LAMB2: variants seen among roughly 807,000 people sequenced by gnomAD.
The protein encoded by LAMB2 is laminin subunit beta 2, also known as laminin subunit beta-2.
In LAMB2, 119 loss-of-function variants were observed where a neutral mutation model predicts 202.7. That is an observed-to-expected ratio of 0.59 (90% CI 0.51 to 0.68). The LOEUF is 0.68. Among genes scored for constraint, LAMB2 ranks in the 30% least tolerant of loss-of-function variants. The probability of loss-of-function intolerance (pLI) is 0.00; values close to 1 mark genes in which losing one functional copy is unlikely to be tolerated. For missense variants in LAMB2, 2,124 were observed against 2,410.6 expected (o/e 0.88, Z 2.49); for synonymous variants, 818 against 902.2 (o/e 0.91, Z 1.67).
In LAMB2 at chr3:49,132,069, G is replaced by GAGAGCCA. The variant is rs773629197; in HGVS notation, c.459+40_459+46dup. 1.3e-6 allele frequency: 2 copies of GAGAGCCA among 1,569,462 alleles called. No homozygotes were observed. The highest frequency in any genetic ancestry group is 1.8e-6 in the Non-Finnish European group (2 of 1,139,660). ...GCTGAGGCTCTGTCCAGGGGCAATG[G>GAGAGCCA]AGAGCCAAGCAGGGTGATTCGGGCA... is the stretch of plus-strand genomic sequence containing the variant. On this transcript the variant is annotated intron_variant, in intron 4 of 31. Coordinates refer to ENST00000305544, the MANE Select transcript of LAMB2 (RefSeq NM_002292.4). The surrounding 1 kb of genome is among the most constrained non-coding windows in gnomAD (Gnocchi z 4.6).
intron 15 of LAMB2, 143 bp from the exon 16 acceptor site, chr3:49,126,640 A>G (rs2045419257): frequency 5.0e-6 from 5 of 997,782 alleles, no homozygotes; most frequent in Non-Finnish European, 7.5e-6. Flanking sequence ...GCGCTAGGCC[A>G]ACAAACAGCT....
chr3:49,125,739 A>C lies in LAMB2; in HGVS notation c.2488+8T>G. 6.2e-7 allele frequency: 1 copy of C among 1,613,620 alleles called. No individual in the cohort carries two copies. ...AAGCATAGGAGGGAACAAGGGGCAG[A>C]AGAGTACCTTGACAGCCTGTGGGGC... On this transcript the variant is annotated splice_region_variant and intron_variant, in intron 18 of 31. Coordinates refer to ENST00000305544, the MANE Select transcript of LAMB2 (RefSeq NM_002292.4).
chr3:49,129,898 C>A lies in LAMB2; in HGVS notation c.1346G>T (p.Cys449Phe). ...AAAGAAGCCATCACGGCATTGCTGG[C>A]AGCGAGTGCCCACCACATGTTCTTT... ...RCKEHVVGTR[C>F]QQCRDGFFGL... Residue 449 changes from cysteine to phenylalanine, a missense_variant, in exon 10 of 32, where the codon TGC becomes TTC. Around this residue, in one of 3 missense-constraint regions of LAMB2, gnomAD observed 1,702 missense variants for 1,896.3 expected, o/e 0.90. Coordinates refer to ENST00000305544, the MANE Select transcript of LAMB2 (RefSeq NM_002292.4). The surrounding 1 kb of genome is among the most constrained non-coding windows in gnomAD (Gnocchi z 6.1). 1 of 1,614,058 alleles carries A rather than the reference C, an allele frequency of 6.2e-7. No individual in the cohort carries two copies. Among genetic ancestry groups the A allele is most frequent in the East Asian group, 2.2e-5 (1 of 44,888 alleles).
In LAMB2 at chr3:49,131,342, C is replaced by G. The variant is rs1225953903; in HGVS notation, c.712+37G>C. 6.2e-7 allele frequency: 1 copy of G among 1,607,288 alleles called. No homozygotes were observed. Among genetic ancestry groups the G allele is most frequent in the Non-Finnish European group, 8.5e-7 (1 of 1,174,000 alleles). ...AGGCCCCAAATAGTCCCTAGCCGGA[C>G]ACGGACTGTGCCAGACTCAAAGGGT... On this transcript the variant is annotated intron_variant, in intron 6 of 31. Transcript: ENST00000305544. This position sits in a 1 kb window ranked among gnomAD's most constrained non-coding sequence, Gnocchi z 5.0.
chr3:49,124,022 A>G lies in LAMB2; in HGVS notation c.3503T>C (p.Val1168Ala). The G allele has an allele frequency of 6.2e-7, 1 of 1,613,564 alleles. No individual in the cohort carries two copies. The highest frequency in any genetic ancestry group is 8.5e-7 in the Non-Finnish European group (1 of 1,179,996). Residue 1168 changes from valine (V) to alanine (A), a missense_variant, in exon 24 of 32, where the codon GTG becomes GCG. Val to Ala is a moderately conservative substitution (Grantham distance 64, BLOSUM62 0). Around this residue, in one of 3 missense-constraint regions of LAMB2, gnomAD observed 1,702 missense variants for 1,896.3 expected, o/e 0.90. Transcript: ENST00000305544. ...FTGHCSCRPG[V>A]SGVRCDQCAR... ...ACACTGGTCACAGCGCACACCAGAC[A>G]CCCCTGGGCGGCAGCTGCAGTGACC...
Position 49,132,204 on chromosome 3 carries a change from G to A in LAMB2, c.386-15C>T, listed in dbSNP as rs117575041. On this transcript the variant is annotated splice_polypyrimidine_tract_variant and intron_variant, in intron 3 of 31. Coordinates refer to ENST00000305544, the MANE Select transcript of LAMB2 (RefSeq NM_002292.4). The surrounding 1 kb of genome is among the most constrained non-coding windows in gnomAD (Gnocchi z 4.6). Reference sequence around the variant, plus strand: ...CGCAGGGATACCTGGGACAGGAATCGGAAGTCAAGGACTCAAAGCTACTGG... The same window carrying A: ...CGCAGGGATACCTGGGACAGGAATCAGAAGTCAAGGACTCAAAGCTACTGG... 1.0e-4 allele frequency: 162 copies of A among 1,614,146 alleles called. No homozygotes were observed. In the East Asian group the frequency reaches 1.7e-3, roughly 17 times the overall value.
chr3:49,124,311 A>G (rs770839263), intron 22 of LAMB2, 25 bp from the exon 23 acceptor site: 267 of 1,613,274 alleles, frequency 1.7e-4, no homozygotes, highest in Non-Finnish European at 2.2e-4. Flanking sequence ...AGGCAGGGTC[A>G]GAGCCTCTAT....
rs769460144 is a variant in LAMB2, at chr3:49,131,040, A to T, written c.825T>A (p.Tyr275Ter). 1 of 1,612,814 alleles carries T rather than the reference A, an allele frequency of 6.2e-7. No homozygotes were observed. Among genetic ancestry groups the T allele is most frequent in the South Asian group, 1.1e-5 (1 of 91,056 alleles). Residue 275 changes from tyrosine to a stop codon, truncating the protein, a stop_gained, in exon 7 of 32, where the codon TAT becomes TAA. Transcript: ENST00000305544. LOFTEE classifies it high-confidence loss of function. This position sits in a 1 kb window ranked among gnomAD's most constrained non-coding sequence, Gnocchi z 5.0. The part of the protein sequence containing the change: ...EIREKYYYAL[Y>*]ELVVRGNCFC... ...AGCAGTTGCCACGTACAACCAGCTC[A>T]TAGAGGGCATAGTAGTACTTCTCTC...
At position 49,124,565 on chromosome 3, in the gene LAMB2, G is replaced by A; in HGVS notation, c.3157C>T (p.Pro1053Ser). 1.2e-5 allele frequency: 19 copies of A among 1,611,892 alleles called. No individual in the cohort carries two copies. The highest frequency in any genetic ancestry group is 1.6e-5 in the Non-Finnish European group (19 of 1,178,204). Residue 1053 changes from proline to serine, a missense_variant, in exon 22 of 32, where the codon CCT becomes TCT. By Grantham distance (74) the Pro-to-Ser change is moderately conservative. Transcript: ENST00000305544. ...LGTNPQQCPS[P>S]DQCHCDPSSG... ...CTTGGATCACAGTGGCACTGGTCAG[G>A]AGATGGGCACTGCTGCGGATTTGTG...
rs1382506260 is a variant in LAMB2, at chr3:49,132,760, C to T, written c.76+32G>A. 6.2e-7 allele frequency: 1 copy of T among 1,613,888 alleles called. No individual in the cohort carries two copies. Among genetic ancestry groups the T allele is most frequent in the Non-Finnish European group, 8.5e-7 (1 of 1,179,848 alleles). ...ACTACCAGGACCTACCATCACATTC[C>T]ACAACCCCCAGCCCCCACCAGGCCC... On this transcript the variant is annotated intron_variant, in intron 1 of 31. Transcript: ENST00000305544. The surrounding 1 kb of genome is among the most constrained non-coding windows in gnomAD (Gnocchi z 4.6).
Position 49,131,113 on chromosome 3 carries a change from C to T in LAMB2, c.752G>A (p.Arg251His), listed in dbSNP as rs754919265. ...KITNLRVNLT[R>H]LHTLGDNLLD... ...TAGGTTGTCTCCCAACGTGTGTAGA[C>T]GAGTCAGGTTCACCCGTAGGTTGGT... Residue 251 changes from arginine (R) to histidine (H), a missense_variant, in exon 7 of 32, where the codon CGT becomes CAT. Around this residue, in one of 3 missense-constraint regions of LAMB2, gnomAD observed 256 missense variants for 356.1 expected, o/e 0.72. Coordinates refer to ENST00000305544, the MANE Select transcript of LAMB2 (RefSeq NM_002292.4). This position sits in a 1 kb window ranked among gnomAD's most constrained non-coding sequence, Gnocchi z 5.0. The T allele has an allele frequency of 3.1e-6, 5 of 1,612,446 alleles. No individual in the cohort carries two copies. The highest frequency in any genetic ancestry group is 1.7e-5 in the Admixed American group (1 of 59,900).
At position 49,132,970 on chromosome 3, in the gene LAMB2, C is replaced by T. The variant is rs2045498268; in HGVS notation, c.-103G>A. On this transcript the variant is annotated 5_prime_UTR_variant, in exon 1 of 32. Transcript: ENST00000305544. The surrounding 1 kb of genome is among the most constrained non-coding windows in gnomAD (Gnocchi z 4.6). ...TCAACTCTGCCTGTGGGTCTTTGGCCTGTTTCCCTCCAGGCCCTCTGTCAG... is the reference window on the plus strand; with the variant it reads ...TCAACTCTGCCTGTGGGTCTTTGGCTTGTTTCCCTCCAGGCCCTCTGTCAG... 2.0e-6 allele frequency: 2 copies of T among 1,022,500 alleles called. No homozygotes were observed. Among genetic ancestry groups the T allele is most frequent in the Admixed American group, 1.8e-5 (1 of 54,464 alleles). The allele number at this position is 1,022,500 out of a possible 1,614,324, so 63.3% of individuals were successfully genotyped here.
chr3:49,132,101 C>T lies in LAMB2; in HGVS notation c.459+15G>A. 6.2e-7 allele frequency: 1 copy of T among 1,613,236 alleles called. No individual in the cohort carries two copies. Among genetic ancestry groups the T allele is most frequent in the Non-Finnish European group, 8.5e-7 (1 of 1,179,290 alleles). ...AAGCAGGGTGATTCGGGCAGGCTCCCAGATATGCAGGCACCTTGAAGGTCA... is the reference window on the plus strand; with the variant it reads ...AAGCAGGGTGATTCGGGCAGGCTCCTAGATATGCAGGCACCTTGAAGGTCA... On this transcript the variant is annotated intron_variant, in intron 4 of 31. Transcript: ENST00000305544. The surrounding 1 kb of genome is among the most constrained non-coding windows in gnomAD (Gnocchi z 4.6).
chr3:49,122,223 G>A lies in LAMB2; in HGVS notation c.4721C>T (p.Ala1574Val). The A allele has an allele frequency of 6.2e-7, 1 of 1,613,468 alleles. No homozygotes were observed. The highest frequency in any genetic ancestry group is 8.5e-7 in the Non-Finnish European group (1 of 1,180,036). Reference sequence around the variant, plus strand: ...ACGACGCACATCTCCTACAGTACGTGCCAGGATCGCATCCACATCTGCCAG... The same window carrying A: ...ACGACGCACATCTCCTACAGTACGTACCAGGATCGCATCCACATCTGCCAG... Reference protein sequence around the residue: ...RSLADVDAILARTVGDVRRAE... With the variant: ...RSLADVDAILVRTVGDVRRAE... The change falls in exon 28 of 32, where the codon GCA becomes GTA. Residue 1574 changes from alanine (A) to valine (V), a missense_variant. Physicochemically the swap from Ala to Val is moderately conservative, Grantham distance 64 (BLOSUM62 0). Around this residue, in one of 3 missense-constraint regions of LAMB2, gnomAD observed 1,702 missense variants for 1,896.3 expected, o/e 0.90. Transcript: ENST00000305544.
intron 31 of LAMB2, 32 bp from the exon 32 acceptor site, chr3:49,121,394 T>G (rs762150712): frequency 8.7e-6 from 14 of 1,613,378 alleles, no homozygotes; most frequent in Middle Eastern, 1.6e-4. Context: ...TTAGGGGGGG[T>G]TTCCCGCAGT....
chr3:49,130,678 T>G lies in LAMB2; in HGVS notation c.1036+62A>C. On this transcript the variant is annotated intron_variant, in intron 8 of 31. Coordinates refer to ENST00000305544, the MANE Select transcript of LAMB2 (RefSeq NM_002292.4). The surrounding 1 kb of genome is among the most constrained non-coding windows in gnomAD (Gnocchi z 5.0). The stretch of plus-strand genomic sequence containing the variant: ...GGGGCTTGACCAACTAGCTCTAGGT[T>G]CTACCCAGGGCACAGCCAGGCTGCA... 6.2e-7 allele frequency: 1 copy of G among 1,608,476 alleles called. No individual in the cohort carries two copies. The highest frequency in any genetic ancestry group is 8.5e-7 in the Non-Finnish European group (1 of 1,178,568).
chr3:49,128,959 C>T, intron 13 of LAMB2, 61 bp downstream of exon 13: 3 of 1,602,836 alleles, frequency 1.9e-6, no homozygotes, highest in Non-Finnish European at 1.7e-6. Flanking sequence ...ATAACCCCAC[C>T]TCTCCAGTCA....
intron 15 of LAMB2, 136 bp from the exon 16 acceptor site, chr3:49,126,633 C>G: frequency 9.3e-7 from 1 of 1,080,548 alleles, no homozygotes; most frequent in South Asian, 1.5e-5. Flanking sequence ...TTGGGCTGCG[C>G]TAGGCCAACA....
rs1399769562 is a variant in LAMB2, at chr3:49,130,605, C to T, written c.1036+135G>A. On this transcript the variant is annotated intron_variant, in intron 8 of 31. Transcript: ENST00000305544. This position sits in a 1 kb window ranked among gnomAD's most constrained non-coding sequence, Gnocchi z 5.0. ...CTGCAGAGGAGGATTGAGGGGGTCC[C>T]AAGGGGCATCAAGGTCTGCATACTC... The T allele has an allele frequency of 7.0e-7, 1 of 1,438,224 alleles. No individual in the cohort carries two copies. Among genetic ancestry groups the T allele is most frequent in the East Asian group, 2.3e-5 (1 of 44,058 alleles). The allele number at this position is 1,438,224 out of a possible 1,614,324, so 89.1% of individuals were successfully genotyped here. A position where few individuals can be genotyped will look rare whatever the true frequency, so the allele number is the denominator to read the frequency against.
Sources: gnomAD v4.1 joint callset for allele counts on GRCh38, gnomAD v4.1.1 for gene constraint, gnomAD v4.1.1 regional missense constraint, Gnocchi (gnomAD v3.1) non-coding constraint, MANE v1.5 for transcripts, NCBI Gene and HGNC (gene_info 2026-07-23, HGNC 2026-07-21) for gene names.